PIK3C2G: variants seen among roughly 807,000 people sequenced by gnomAD.
The protein encoded by PIK3C2G is phosphatidylinositol 3-kinase C2 domain-containing subunit gamma.
PIK3C2G carries 168 observed loss-of-function variants against 181.1 expected under a neutral mutation model. The observed-to-expected ratio is 0.93, with a 90% confidence interval of 0.82 to 1.05. PIK3C2G has a LOEUF of 1.05. Among genes scored for constraint, PIK3C2G ranks in the 50% least tolerant of loss-of-function variants. PIK3C2G has a pLI of 0.00. For missense variants in PIK3C2G, 1,869 were observed against 1,732.8 expected (o/e 1.08, Z -1.40); for synonymous variants, 573 against 592.2 (o/e 0.97, Z 0.47).
At chr12:18,477,637 T>C (rs1277799605) in intron 18 of PIK3C2G, among the ~76,000 whole-genome samples, 1 of 152,218 alleles carries the variant, frequency 6.6e-6, no homozygotes, top group Non-Finnish European at 1.5e-5. Flanking sequence ...CAAGTTCTTT[T>C]ATGACAACGA....
intron 31 of PIK3C2G, among the ~76,000 whole-genome samples, chr12:18,636,204 A>G (rs977919121): frequency 6.6e-5 from 10 of 152,144 alleles, no homozygotes; most frequent in Non-Finnish European, 4.4e-5. Context: ...GCTGAAAGCA[A>G]ACTGCTTCTG....
intron 18 of PIK3C2G, among the ~76,000 whole-genome samples, chr12:18,471,321 TCTC>T (rs1304871322): frequency 1.3e-5 from 2 of 152,042 alleles, no homozygotes; most frequent in Non-Finnish European, 2.9e-5. Flanking sequence ...GAATTCAACA[TCTC>T]CTCTCTACTC....
intron 17 of PIK3C2G, among the ~76,000 whole-genome samples, chr12:18,421,909 G>T (rs569207651): frequency 3.9e-5 from 6 of 152,108 alleles, no homozygotes; most frequent in African/African-American, 1.4e-4. Context: ...GAATTTCTCT[G>T]AAGTTCTCCT....
intron 11 of PIK3C2G, among the ~76,000 whole-genome samples, chr12:18,350,323 C>A (rs1254567862): frequency 1.3e-5 from 2 of 152,054 alleles, no homozygotes; most frequent in Admixed American, 1.3e-4. Flanking sequence ...CCTTAAGTCA[C>A]TCATAAAGTA....
At chr12:18,671,554 A>C in the PIK3C2G span, among the ~76,000 whole-genome samples, 1 of 152,314 alleles carries the variant, frequency 6.6e-6, no homozygotes, top group African/African-American at 2.4e-5. Flanking sequence ...TCAATTAAAA[A>C]TGAAACAAAA....
Position 18,443,287 on chromosome 12 carries a change from T to C in PIK3C2G, c.2504+19248T>C, listed in dbSNP as rs115654368. Among the ~76,000 whole-genome samples the C allele has an allele frequency of 6.7e-3, 1,027 of 152,298 alleles. 10 individuals carry two copies. The highest frequency in any genetic ancestry group is 0.024 in the African/African-American group (991 of 41,570). ...AGTACCTACTCTGTACATGGTGCTG[T>C]CTGTGTGTGTGTGTTTGTGAGTGTA... On this transcript the variant is annotated intron_variant, in intron 18 of 32. Transcript: ENST00000538779.
intron 22 of PIK3C2G, among the ~76,000 whole-genome samples, chr12:18,500,838 T>C (rs1446001805): frequency 1.3e-5 from 2 of 152,052 alleles, no homozygotes; most frequent in Non-Finnish European, 2.9e-5. Flanking sequence ...CTGCTGCTGC[T>C]CACTCTTTGG....
chr12:18,302,375 G>T (rs2137297066), intron 5 of PIK3C2G, among the ~76,000 whole-genome samples: 1 of 152,314 alleles, frequency 6.6e-6, no homozygotes, highest in South Asian at 2.1e-4. Flanking sequence ...CAATCCCTAA[G>T]TCCCCCAGTG....
chr12:18,482,885 GATA>G (rs1939694614), intron 18 of PIK3C2G, among the ~76,000 whole-genome samples: 1 of 152,162 alleles, frequency 6.6e-6, no homozygotes. Context: ...ATGTAGAGGA[GATA>G]ATGCACATAG....
At chr12:18,721,465 T>C in the PIK3C2G span, among the ~76,000 whole-genome samples, 3 of 152,062 alleles carry the variant, frequency 2.0e-5, no homozygotes, top group South Asian at 4.1e-4. Context: ...GGATGAACAG[T>C]ATAATATTGT....
At chr12:18,513,805 A>G (rs1942362577) in intron 24 of PIK3C2G, among the ~76,000 whole-genome samples, 1 of 151,770 alleles carries the variant, frequency 6.6e-6, no homozygotes, top group Admixed American at 6.6e-5. Flanking sequence ...TCAAAAAACA[A>G]CTGTGTGATT....
At chr12:18,292,278 AT>A (rs1949748161) in intron 4 of PIK3C2G, among the ~76,000 whole-genome samples, 2 of 143,450 alleles carry the variant, frequency 1.4e-5, no homozygotes, top group Admixed American at 1.4e-4. Flanking sequence ...GAATTCAAGT[AT>A]ATGAATTTCA....
At chr12:18,546,673 C>T (rs1944447449) in intron 26 of PIK3C2G, among the ~76,000 whole-genome samples, 1 of 151,976 alleles carries the variant, frequency 6.6e-6, no homozygotes, top group African/African-American at 2.4e-5. Context: ...TAACAGATTG[C>T]TCAATAAGAG....
At position 18,399,642 on chromosome 12, in the gene PIK3C2G, C is replaced by G. The variant is rs1247498965; in HGVS notation, c.2127-17C>G. ...AGCAAACTCCAGTAAATTACAGTTTCCAATCTGGTTTTTCAGACTCTCTGA... is the reference window on the plus strand; with the variant it reads ...AGCAAACTCCAGTAAATTACAGTTTGCAATCTGGTTTTTCAGACTCTCTGA... On this transcript the variant is annotated splice_polypyrimidine_tract_variant and intron_variant, in intron 15 of 32. Coordinates refer to ENST00000538779, the MANE Select transcript of PIK3C2G (RefSeq NM_001288772.2). 6.6e-7 allele frequency: 1 copy of G among 1,506,386 alleles called. No individual in the cohort carries two copies. The highest frequency in any genetic ancestry group is 2.3e-5 in the East Asian group (1 of 43,628). The allele number at this position is 1,506,386 out of a possible 1,614,324, so 93.3% of individuals were successfully genotyped here. A position where few individuals can be genotyped will look rare whatever the true frequency, so the allele number is the denominator to read the frequency against.
intron 16 of PIK3C2G, among the ~76,000 whole-genome samples, chr12:18,402,984 G>A (rs1944334551): frequency 6.6e-6 from 1 of 152,154 alleles, no homozygotes; most frequent in Admixed American, 6.5e-5. Context: ...CAAGTGCCCT[G>A]TAAGTTGAAA....
At chr12:18,701,366 G>A in the PIK3C2G span, 1 of 1,464,454 alleles carries the variant, frequency 6.8e-7, no homozygotes, top group East Asian at 2.4e-5. Flanking sequence ...TGTTTTCAAA[G>A]TAAATTGTAA....
At chr12:18,538,536 T>G (rs74068070) in intron 25 of PIK3C2G, among the ~76,000 whole-genome samples, 9 of 152,096 alleles carry the variant, frequency 5.9e-5, no homozygotes, top group African/African-American at 2.2e-4. Flanking sequence ...GTATCAATAT[T>G]GATGCAGGTA....
chr12:18,251,978 C>T (rs981882896), intron 1 of PIK3C2G, among the ~76,000 whole-genome samples: 1 of 152,028 alleles, frequency 6.6e-6, no homozygotes, highest in African/African-American at 2.4e-5. Context: ...GACACTTATT[C>T]TGTAAATACT....
chr12:18,605,050 C>T (rs1049401092), intron 30 of PIK3C2G, among the ~76,000 whole-genome samples: 1 of 151,828 alleles, frequency 6.6e-6, no homozygotes, highest in African/African-American at 2.4e-5. Context: ...CAGAGCAGAA[C>T]TAAATGAAAT....
Sources: gnomAD v4.1 joint callset for allele counts (sites outside exome capture counted in the v4.1 genomes callset) on GRCh38, gnomAD v4.1.1 for gene constraint, MANE v1.5 for transcripts, NCBI Gene and HGNC (gene_info 2026-07-23, HGNC 2026-07-21) for gene names.